Variants in PLEKHO1 observed in about 807,000 individuals in gnomAD.
PLEKHO1 encodes pleckstrin homology domain-containing family O member 1.
A neutral mutation model predicts 41.4 loss-of-function variants in PLEKHO1; 22 were observed. The ratio of observed to expected loss-of-function variants is 0.53; its 90% CI spans 0.38 to 0.76. PLEKHO1 has a LOEUF of 0.76. PLEKHO1 is among the 30% of genes least tolerant of loss of function. PLEKHO1 has a pLI of 0.00. For synonymous variants in PLEKHO1, 225 were observed against 210.8 expected (o/e 1.07, Z -0.58); for missense variants, 488 against 518.3 (o/e 0.94, Z 0.57).
intron 5 of PLEKHO1, among the ~76,000 whole-genome samples, chr1:150,158,011 A>C (rs1047965640): frequency 6.6e-6 from 1 of 152,242 alleles, no homozygotes; most frequent in African/African-American, 2.4e-5. Context: ...CAACTGTAAA[A>C]TGAGGCAGTA....
rs782275138 is a variant in PLEKHO1 at position 150,159,400 on chromosome 1, A to T, written c.1107A>T (p.Ala369=). Residue 369 remains alanine, a synonymous_variant, in exon 6 of 6, where the codon GCA becomes GCT. Coordinates refer to ENST00000369124, the MANE Select transcript of PLEKHO1 (RefSeq NM_016274.6). ...AGGCATCATCGAATTGGAGCCAGGC[A>T]AAGAGGGTGCTGCAGGAGGTCAGGG... ...LGEASSNWSQ[A]KRVLQEVREL... 2 of 1,614,110 alleles carry T rather than the reference A, an allele frequency of 1.2e-6. No homozygotes were observed. Among genetic ancestry groups the T allele is most frequent in the South Asian group, 2.2e-5 (2 of 91,072 alleles).
At chr1:150,154,489 T>C (rs1448241902) in intron 2 of PLEKHO1, 2 of 152,332 alleles carry the variant, frequency 1.3e-5, no homozygotes, top group East Asian at 3.8e-4. Context: ...TGTCCTCATC[T>C]GTCATCAGCC....
chr1:150,154,842 C>T (rs587657156), intron 2 of PLEKHO1: 1 of 152,298 alleles, frequency 6.6e-6, no homozygotes, highest in South Asian at 2.1e-4. Flanking sequence ...GCTCAAGCCA[C>T]GGAGGGTGGA....
chr1:150,152,541 G>A (rs1044073666), intron 2 of PLEKHO1, among the ~76,000 whole-genome samples: 30 of 151,926 alleles, frequency 2.0e-4, no homozygotes, highest in African/African-American at 7.0e-4. Flanking sequence ...GGCCTCAAGT[G>A]AACCACCCGC....
chr1:150,150,640 C>G, intron 1 of PLEKHO1: 1 of 418,110 alleles, frequency 2.4e-6, no homozygotes, highest in Non-Finnish European at 4.4e-6. Context: ...GGGCGCAGGG[C>G]CTGGAGGGAA....
intron 2 of PLEKHO1, chr1:150,155,828 G>A: frequency 2.4e-6 from 1 of 415,728 alleles, no homozygotes; most frequent in South Asian, 4.6e-5. Flanking sequence ...GCCTGGCTAA[G>A]GAGAGTGAAG....
intron 1 of PLEKHO1, 81 bp downstream of exon 1, chr1:150,150,368 G>A (rs2101680973): frequency 4.3e-6 from 3 of 691,402 alleles, no homozygotes; most frequent in Non-Finnish European, 5.4e-6. Flanking sequence ...GCGGCGGCCT[G>A]GGAGACCCAC....
At chr1:150,149,906 TG>T (rs1221433007), upstream of PLEKHO1, 4 of 150,804 alleles carry the variant, frequency 2.7e-5, no homozygotes, top group African/African-American at 9.8e-5. Context: ...GGGTGCGGAC[TG>T]GGCCGCCCAC....
At position 150,158,935 on chromosome 1, in the gene PLEKHO1, T is replaced by C. The variant is rs1292474792; in HGVS notation, c.642T>C (p.Ser214=). 6.2e-7 allele frequency: 1 copy of C among 1,614,158 alleles called. No individual in the cohort carries two copies. Residue 214 remains serine (S), a synonymous_variant, in exon 6 of 6, where the codon TCT becomes TCC. Transcript: ENST00000369124. The part of the protein sequence containing the change: ...AESFRVDLDK[S]VAQLAGSRRR... Reference sequence around the variant, plus strand: ...GCTTTCGGGTTGACCTGGACAAGTCTGTGGCCCAGCTGGCAGGGAGCCGGC... The same window carrying C: ...GCTTTCGGGTTGACCTGGACAAGTCCGTGGCCCAGCTGGCAGGGAGCCGGC...
intron 2 of PLEKHO1, among the ~76,000 whole-genome samples, chr1:150,151,926 C>T (rs1330989676): frequency 6.6e-6 from 1 of 152,122 alleles, no homozygotes; most frequent in Non-Finnish European, 1.5e-5. Context: ...CCATTCCCTG[C>T]CTCTGTGACT....
Position 150,151,023 on chromosome 1 carries a change from C to G in PLEKHO1, c.142C>G (p.Leu48Val), listed in dbSNP as rs587596528. 6.2e-7 allele frequency: 1 copy of G among 1,614,142 alleles called. No individual in the cohort carries two copies. Among genetic ancestry groups the G allele is most frequent in the Non-Finnish European group, 8.5e-7 (1 of 1,179,992 alleles). ...REIWKNRYVVLKGDQLYISEK... is the reference protein window; with the variant it reads ...REIWKNRYVVVKGDQLYISEK... ...GATTTGGAAAAACCGCTATGTGGTG[C>G]TGAAAGGGGACCAGCTCTACATCTC... Residue 48 changes from leucine (L) to valine (V), a missense_variant, in exon 2 of 6, where the codon CTG (leucine) becomes GTG (valine). Leu to Val is a conservative substitution (Grantham distance 32). Coordinates refer to ENST00000369124, the MANE Select transcript of PLEKHO1 (RefSeq NM_016274.6).
At chr1:150,157,796 A>C (rs1660237244) in intron 5 of PLEKHO1, among the ~76,000 whole-genome samples, 1 of 152,208 alleles carries the variant, frequency 6.6e-6, no homozygotes, top group Non-Finnish European at 1.5e-5. Flanking sequence ...AACATGTAGT[A>C]CCGCGGGTGT....
Position 150,151,921 on chromosome 1 carries a change from C to T in PLEKHO1, c.177+863C>T, listed in dbSNP as rs587682964. ...TACAGTGGTTAGAAGTCATTCCATTCCCTGCCTCTGTGACTGTCCAAAGGC... is the reference window on the plus strand; with the variant it reads ...TACAGTGGTTAGAAGTCATTCCATTTCCTGCCTCTGTGACTGTCCAAAGGC... On this transcript the variant is annotated intron_variant, in intron 2 of 5. Transcript: ENST00000369124. Among the ~76,000 whole-genome samples, 19 of 152,228 alleles carry T rather than the reference C, an allele frequency of 1.2e-4. 1 individual carries two copies. The South Asian group carries it at 3.9e-3, about 32-fold the overall frequency.
rs1553821767 is a variant in PLEKHO1, at chr1:150,159,654, AC to A, written c.*135del. The A allele has an allele frequency of 4.6e-6, 3 of 645,414 alleles. No homozygotes were observed. Among genetic ancestry groups the A allele is most frequent in the Non-Finnish European group, 8.0e-6 (3 of 374,302 alleles). 40.0% of individuals were successfully genotyped at this position (645,414 alleles called of 1,614,324 possible). A position where few individuals can be genotyped will look rare whatever the true frequency, so the allele number is the denominator to read the frequency against. On this transcript the variant is annotated 3_prime_UTR_variant, in exon 6 of 6. Transcript: ENST00000369124. ...AACTCATTGCTCTTGCTGATGCCTGACCCCACTACAACCCTTATTGCCCCAC... is the reference window on the plus strand; with the variant it reads ...AACTCATTGCTCTTGCTGATGCCTGACCCACTACAACCCTTATTGCCCCAC...
At chr1:150,154,308 C>A (rs41264959) in intron 2 of PLEKHO1, 2,882 of 152,440 alleles carry the variant, frequency 0.019, 59 homozygotes, top group Middle Eastern at 0.054. Context: ...CACCCCTTGC[C>A]AGCACCTTGT....
In PLEKHO1 at chr1:150,158,821, T is replaced by G. The variant is rs1660287211; in HGVS notation, c.528T>G (p.Ala176=). ...CTCATTCCCCCCTTCCTCCACAGGC[T>G]TCCACCTCTACCTCGGATGGGATGC... ...PPTRGHLMAV[A]STSTSDGMLT... is the part of the protein sequence containing the mutation. The change falls in exon 6 of 6, where the codon GCT becomes GCG. Residue 176 remains alanine, a splice_region_variant and synonymous_variant. Coordinates refer to ENST00000369124, the MANE Select transcript of PLEKHO1 (RefSeq NM_016274.6). The G allele has an allele frequency of 1.9e-6, 3 of 1,598,046 alleles. No individual in the cohort carries two copies. In the East Asian group the frequency reaches 6.7e-5, roughly 36 times the overall value.
chr1:150,159,247 G>A lies in PLEKHO1; in HGVS notation c.954G>A (p.Glu318=). 2 of 1,614,220 alleles carry A rather than the reference G, an allele frequency of 1.2e-6. No homozygotes were observed. The highest frequency in any genetic ancestry group is 1.6e-4 in the Middle Eastern group (1 of 6,062). The change falls in exon 6 of 6, where the codon GAG becomes GAA. Residue 318 remains glutamate (E), a synonymous_variant. Coordinates refer to ENST00000369124, the MANE Select transcript of PLEKHO1 (RefSeq NM_016274.6). ...IQDLVARKLE[E]TQELLAEVQG... is the part of the protein sequence containing the mutation. ...ACCTGGTAGCAAGGAAACTGGAGGAGACTCAGGAGCTTCTGGCAGAGGTTC... is the reference window on the plus strand; with the variant it reads ...ACCTGGTAGCAAGGAAACTGGAGGAAACTCAGGAGCTTCTGGCAGAGGTTC...
At chr1:150,151,108 G>A (rs199707212) in intron 2 of PLEKHO1, 50 bp downstream of exon 2, 1 of 1,606,128 alleles carries the variant, frequency 6.2e-7, no homozygotes, top group African/African-American at 1.3e-5. Flanking sequence ...CCCCCACTTT[G>A]TCACTCCCCA....
intron 5 of PLEKHO1, among the ~76,000 whole-genome samples, chr1:150,158,372 A>G (rs1660263888): frequency 6.6e-6 from 1 of 152,188 alleles, no homozygotes; most frequent in Non-Finnish European, 1.5e-5. Flanking sequence ...CAGCACATTC[A>G]GTAGGAGGGT....
Sources: allele counts gnomAD v4.1 joint callset (sites outside exome capture counted in the v4.1 genomes callset), GRCh38; gene constraint gnomAD v4.1.1; transcripts MANE v1.5; gene names NCBI Gene and HGNC (gene_info 2026-07-23, HGNC 2026-07-21).